SYT9: variants seen among roughly 807,000 people sequenced by gnomAD.
SYT9 encodes synaptotagmin 9.
SYT9 carries 22 observed loss-of-function variants against 48.4 expected under a neutral mutation model. The ratio of observed to expected loss-of-function variants is 0.45; its 90% CI spans 0.32 to 0.65. The LOEUF is 0.65. Among genes scored for constraint, SYT9 ranks in the 30% least tolerant of loss-of-function variants. The pLI, the probability that SYT9 is intolerant of heterozygous loss-of-function variation, is 0.03. For missense variants in SYT9, 577 were observed against 622.0 expected (o/e 0.93, Z 0.77); for synonymous variants, 265 against 245.0 (o/e 1.08, Z -0.76).
chr11:7,244,811 A>G (rs1426818190), intron 1 of SYT9, among the ~76,000 whole-genome samples: 1 of 152,190 alleles, frequency 6.6e-6, no homozygotes, highest in Admixed American at 6.5e-5. Context: ...AGGGGTAAGG[A>G]TGTGGTCTAA....
chr11:7,350,052 G>A (rs141628755), intron 3 of SYT9, among the ~76,000 whole-genome samples: 239 of 152,288 alleles, frequency 1.6e-3, no homozygotes, highest in African/African-American at 5.5e-3. Context: ...CACCGAGGAT[G>A]CCTCATGGGT....
At chr11:7,428,721 T>G (rs1847512651) in intron 6 of SYT9, among the ~76,000 whole-genome samples, 1 of 152,192 alleles carries the variant, frequency 6.6e-6, no homozygotes, top group Admixed American at 6.5e-5. Context: ...AGAGTCTCAT[T>G]TGTTGAGACT....
At chr11:7,445,234 T>C (rs1270282355) in intron 6 of SYT9, among the ~76,000 whole-genome samples, 1 of 152,200 alleles carries the variant, frequency 6.6e-6, no homozygotes, top group Non-Finnish European at 1.5e-5. Flanking sequence ...TGATAATTGA[T>C]ATTATTCAAC....
chr11:7,454,528 C>T (rs566627527), intron 6 of SYT9, among the ~76,000 whole-genome samples: 1 of 152,178 alleles, frequency 6.6e-6, no homozygotes, highest in Admixed American at 6.5e-5. Flanking sequence ...GGGGATAACA[C>T]GAGTGAAGAC....
chr11:7,243,486 T>C (rs1847759694), intron 1 of SYT9, among the ~76,000 whole-genome samples: 1 of 152,178 alleles, frequency 6.6e-6, no homozygotes, highest in Non-Finnish European at 1.5e-5. Context: ...TGCCTCCTCC[T>C]CCCCTTCTTA....
intron 1 of SYT9, among the ~76,000 whole-genome samples, chr11:7,291,838 C>G (rs1254013401): frequency 6.6e-6 from 1 of 152,172 alleles, no homozygotes; most frequent in Non-Finnish European, 1.5e-5. Flanking sequence ...GTTTAAGGAT[C>G]AAGGCCTTGT....
rs530527154 is a variant in SYT9 at position 7,374,162 on chromosome 11, A to C, written c.1045-41880A>C. Among the ~76,000 whole-genome samples the C allele has an allele frequency of 2.6e-5, 4 of 152,196 alleles. No homozygotes were observed. In the South Asian group the frequency reaches 8.3e-4, roughly 32 times the overall value. Reference sequence around the variant, plus strand: ...GTTCAACTCCCACTTATGAGTGAGAATATGCCGTGTTTGGTTTTCTGTTCC... The same window carrying C: ...GTTCAACTCCCACTTATGAGTGAGACTATGCCGTGTTTGGTTTTCTGTTCC... On this transcript the variant is annotated intron_variant, in intron 3 of 6. Coordinates refer to ENST00000318881, the MANE Select transcript of SYT9 (RefSeq NM_175733.4).
intron 1 of SYT9, among the ~76,000 whole-genome samples, chr11:7,263,592 G>A (rs1177224917): frequency 3.3e-5 from 5 of 152,180 alleles, no homozygotes; most frequent in Non-Finnish European, 5.9e-5. Flanking sequence ...AGAAAGTAAC[G>A]TGGAGAAAAA....
chr11:7,413,197 C>T (rs1483697843), intron 3 of SYT9, among the ~76,000 whole-genome samples: 1 of 152,146 alleles, frequency 6.6e-6, no homozygotes, highest in Admixed American at 6.5e-5. Flanking sequence ...TTGCTCATGC[C>T]TCAGTCCCCC....
intron 1 of SYT9, among the ~76,000 whole-genome samples, chr11:7,286,556 C>A (rs1347858024): frequency 1.3e-5 from 2 of 152,238 alleles, no homozygotes; most frequent in Non-Finnish European, 2.9e-5. Flanking sequence ...GTTACTTACG[C>A]AAATTTCTGC....
intron 6 of SYT9, among the ~76,000 whole-genome samples, chr11:7,465,369 C>T (rs200673038): frequency 6.6e-6 from 1 of 152,222 alleles, no homozygotes; most frequent in Non-Finnish European, 1.5e-5. Flanking sequence ...CTTTTGATCT[C>T]TGAAATGAAG....
chr11:7,458,083 A>T (rs950960081), intron 6 of SYT9: 5 of 152,280 alleles, frequency 3.3e-5, no homozygotes, highest in African/African-American at 1.2e-4. Flanking sequence ...TAGGTGCTGA[A>T]GATACATTTT....
Position 7,303,038 on chromosome 11 carries a change from G to C in SYT9, c.146-1G>C, listed in dbSNP as rs1848952906. ...GACCTTTGATCTTTGCTTCTTTGCA[G>C]ATATCTCAGTGAGCCTGCTGACCCT... On this transcript the variant is annotated splice_acceptor_variant, in intron 1 of 6. Transcript: ENST00000318881. LOFTEE classifies it high-confidence loss of function. 6.2e-7 allele frequency: 1 copy of C among 1,613,356 alleles called. No homozygotes were observed. Among genetic ancestry groups the C allele is most frequent in the Admixed American group, 1.7e-5 (1 of 60,002 alleles).
At chr11:7,351,605 A>G (rs1022199054) in intron 3 of SYT9, among the ~76,000 whole-genome samples, 5 of 152,230 alleles carry the variant, frequency 3.3e-5, no homozygotes, top group Non-Finnish European at 4.4e-5. Flanking sequence ...AAGATGATGC[A>G]ATGGGATTAA....
At position 7,466,864 on chromosome 11, in the gene SYT9, A is replaced by C. The variant is rs538854351; in HGVS notation, c.*64A>C. 1.3e-6 allele frequency: 2 copies of C among 1,594,150 alleles called. No individual in the cohort carries two copies. The highest frequency in any genetic ancestry group is 2.2e-5 in the East Asian group (1 of 44,782). ...GGACAACCATCTCACAAAGATCTTA[A>C]GTAACTTTTTCCATCCAGCAACATC... On this transcript the variant is annotated 3_prime_UTR_variant, in exon 7 of 7. Transcript: ENST00000318881.
At chr11:7,400,256 AG>A (rs1268704360) in intron 3 of SYT9, among the ~76,000 whole-genome samples, 3 of 152,236 alleles carry the variant, frequency 2.0e-5, no homozygotes, top group Non-Finnish European at 4.4e-5. Context: ...ACAGTTATAC[AG>A]GCCTGACACA....
chr11:7,281,451 A>C (rs944822711), intron 1 of SYT9, among the ~76,000 whole-genome samples: 1 of 152,202 alleles, frequency 6.6e-6, no homozygotes, highest in Non-Finnish European at 1.5e-5. Context: ...ACTTTCTACA[A>C]GCCCTTCAGA....
intron 3 of SYT9, among the ~76,000 whole-genome samples, chr11:7,390,740 G>C (rs527796013): frequency 6.6e-5 from 10 of 152,212 alleles, no homozygotes; most frequent in African/African-American, 2.2e-4. Context: ...AAACCATCAG[G>C]GCATATTCTC....
chr11:7,443,832 C>T (rs566618512), intron 6 of SYT9, among the ~76,000 whole-genome samples: 21 of 152,300 alleles, frequency 1.4e-4, no homozygotes, highest in East Asian at 5.8e-4. Flanking sequence ...AATTCTGTGA[C>T]GGTTGTTGAA....
Sources: gnomAD v4.1 joint callset for allele counts (sites outside exome capture counted in the v4.1 genomes callset) on GRCh38, gnomAD v4.1.1 for gene constraint, MANE v1.5 for transcripts, NCBI Gene and HGNC (gene_info 2026-07-23, HGNC 2026-07-21) for gene names.